The following SLC47A2 variants were observed in gnomAD, a reference collection of about 807,000 sequenced individuals.
SLC47A2 encodes the protein multidrug and toxin extrusion protein 2.
A neutral mutation model predicts 67.7 loss-of-function variants in SLC47A2; 52 were observed. That is an observed-to-expected ratio of 0.77 (90% CI 0.61 to 0.97). The LOEUF (loss-of-function observed/expected upper bound fraction) is 0.97, where lower values mean the gene tolerates loss of function less well. Among genes scored for constraint, SLC47A2 ranks in the 50% least tolerant of loss-of-function variants. The pLI, the probability that SLC47A2 is intolerant of heterozygous loss-of-function variation, is 0.00. For synonymous variants in SLC47A2, 278 were observed against 292.9 expected (o/e 0.95, Z 0.52); for missense variants, 676 against 712.3 (o/e 0.95, Z 0.58).
chr17:19,707,688 G>C, intron 8 of SLC47A2, 58 bp downstream of exon 8: 1 of 1,453,692 alleles, frequency 6.9e-7, no homozygotes, highest in Non-Finnish European at 9.4e-7. Flanking sequence ...CTGCCCCAAG[G>C]CTAGGGCAGC....
chr17:19,685,794 CAATA>C lies in SLC47A2; in HGVS notation c.1165-4128_1165-4125del, dbSNP rs1179221418. On this transcript the variant is annotated intron_variant, in intron 13 of 16. Coordinates refer to ENST00000433844, the MANE Select transcript of SLC47A2 (RefSeq NM_001099646.3). The surrounding 1 kb of genome is among the most constrained non-coding windows in gnomAD (Gnocchi z 4.5). ...TCTCTGAGAAACACCCAAAAATGAT[CAATA>C]AATACTAAATAAATAAATAAATAAA... is the stretch of plus-strand genomic sequence containing the variant. 1.3e-5 allele frequency among the ~76,000 whole-genome samples: 2 copies of C among 152,046 alleles called. No individual in the cohort carries two copies. Among genetic ancestry groups the C allele is most frequent in the Non-Finnish European group, 2.9e-5 (2 of 68,018 alleles).
chr17:19,678,591 G>A lies in SLC47A2; in HGVS notation c.*95C>T, dbSNP rs2085239086. ...GAGGAGTGGTTCAAAGTGTCCACCT[G>A]CACTAGACCCCATTGGTGTTTTTGC... On this transcript the variant is annotated 3_prime_UTR_variant, in exon 17 of 17. Transcript: ENST00000433844. 4 of 1,308,208 alleles carry A rather than the reference G, an allele frequency of 3.1e-6. No homozygotes were observed. The East Asian group carries it at 9.3e-5, about 30-fold the overall frequency. The allele number at this position is 1,308,208 out of a possible 1,614,324, so 81.0% of individuals were successfully genotyped here. A position where few individuals can be genotyped will look rare whatever the true frequency, so the allele number is the denominator to read the frequency against.
rs2085720865 is a variant in SLC47A2 at position 19,698,759 on chromosome 17, G to A, written c.1164+3846C>T. Among the ~76,000 whole-genome samples the A allele has an allele frequency of 2.0e-5, 3 of 152,172 alleles. No individual in the cohort carries two copies. In the South Asian group the frequency reaches 6.2e-4, roughly 31 times the overall value. ...TAAATGTTTTTAAGTGTACAGGTCA[G>A]CAGTGTTAAGTATATAGCCAGCCCT... On this transcript the variant is annotated intron_variant, in intron 13 of 16. Transcript: ENST00000433844.
chr17:19,681,741 C>T (rs1489969579), intron 13 of SLC47A2, 71 bp from the exon 14 acceptor site: 3 of 1,537,362 alleles, frequency 2.0e-6, no homozygotes, highest in Non-Finnish European at 2.6e-6. Flanking sequence ...GCAGCAGGCA[C>T]TGTGCTAAGC....
chr17:19,697,062 C>G (rs1209399717), intron 13 of SLC47A2, among the ~76,000 whole-genome samples: 2 of 152,172 alleles, frequency 1.3e-5, no homozygotes, highest in African/African-American at 4.8e-5. Flanking sequence ...GAGGCTGAGG[C>G]GGGCGGATGA....
At chr17:19,705,565 C>T in intron 9 of SLC47A2, 62 bp from the exon 10 acceptor site, 1 of 1,496,820 alleles carries the variant, frequency 6.7e-7, no homozygotes, top group Non-Finnish European at 9.0e-7. Flanking sequence ...CCTGCGCCGA[C>T]AGGACGCTGC....
chr17:19,704,211 G>A (rs1349784307), intron 10 of SLC47A2, 33 bp from the exon 11 acceptor site: 2 of 1,565,320 alleles, frequency 1.3e-6, no homozygotes, highest in African/African-American at 1.4e-5. Flanking sequence ...ACTGTCAGTG[G>A]GCCCACCCTC....
intron 7 of SLC47A2, 68 bp from the exon 8 acceptor site, chr17:19,707,911 A>T (rs932494228): frequency 1.4e-6 from 2 of 1,449,194 alleles, no homozygotes; most frequent in African/African-American, 2.8e-5. Context: ...CCTGAGAGAG[A>T]GGTGGCTCTG....
At chr17:19,689,021 A>G (rs1366389202) in intron 13 of SLC47A2, among the ~76,000 whole-genome samples, 1 of 152,002 alleles carries the variant, frequency 6.6e-6, no homozygotes, top group Non-Finnish European at 1.5e-5. Flanking sequence ...ATGCACCACC[A>G]TACCTGGTTA....
upstream of SLC47A2, chr17:19,716,767 G>A (rs1304480559): frequency 3.0e-6 from 2 of 668,682 alleles, no homozygotes; most frequent in African/African-American, 1.8e-5. Context: ...TCAGCCACTA[G>A]GGAGGACAGG....
chr17:19,715,506 G>A (rs778758592), intron 1 of SLC47A2, among the ~76,000 whole-genome samples: 5 of 152,168 alleles, frequency 3.3e-5, no homozygotes, highest in African/African-American at 4.8e-5. Flanking sequence ...TGCTATTGCA[G>A]TTCCTATTAT....
chr17:19,684,914 C>T (rs879038213), intron 13 of SLC47A2, among the ~76,000 whole-genome samples: 2 of 152,242 alleles, frequency 1.3e-5, no homozygotes, highest in East Asian at 3.9e-4. Context: ...GCCATGATCT[C>T]GGTTCACTGC....
At chr17:19,684,568 A>C (rs2085379838) in intron 13 of SLC47A2, among the ~76,000 whole-genome samples, 1 of 151,994 alleles carries the variant, frequency 6.6e-6, no homozygotes, top group South Asian at 2.1e-4. Flanking sequence ...AGAATGTAAA[A>C]GATTAGTGTG....
chr17:19,681,490 A>G (rs1291587730), intron 14 of SLC47A2, 29 bp from the exon 15 acceptor site: 1 of 1,614,056 alleles, frequency 6.2e-7, no homozygotes, highest in South Asian at 1.1e-5. Flanking sequence ...GATGGGAACA[A>G]TGTCCGACGA....
At position 19,714,718 on chromosome 17, in the gene SLC47A2, C is replaced by A; in HGVS notation, c.294+3G>T. On this transcript the variant is annotated splice_donor_region_variant and intron_variant, in intron 3 of 16. Coordinates refer to ENST00000433844, the MANE Select transcript of SLC47A2 (RefSeq NM_001099646.3). ...TCCTGCCCAGCTCCAGGAGGCCACC[C>A]ACCTGAGACATCAAGGTGTCACATG... The A allele has an allele frequency of 1.2e-6, 2 of 1,614,036 alleles. No individual in the cohort carries two copies. Among genetic ancestry groups the A allele is most frequent in the Non-Finnish European group, 8.5e-7 (1 of 1,180,038 alleles).
At chr17:19,703,975 G>A in intron 11 of SLC47A2, 95 bp downstream of exon 11, 1 of 947,130 alleles carries the variant, frequency 1.1e-6, no homozygotes, top group Non-Finnish European at 1.5e-6. Context: ...CAGCTCCCGA[G>A]GCCAGCCCTG....
At chr17:19,713,412 T>TC (rs1185209910) in intron 4 of SLC47A2, among the ~76,000 whole-genome samples, 2,469 of 149,548 alleles carry the variant, frequency 0.017, 49 homozygotes, top group African/African-American at 0.049. Flanking sequence ...ATAATAATAA[T>TC]AATCATCATC....
Position 19,697,380 on chromosome 17 carries a change from G to T in SLC47A2, c.1164+5225C>A, listed in dbSNP as rs188032031. On this transcript the variant is annotated intron_variant, in intron 13 of 16. Transcript: ENST00000433844. ...CACTTTGGGAGACTGAGGCAGGAGG[G>T]TTGCTTGAGGCCAGGAGTTCAAGAC... 3.2e-3 allele frequency among the ~76,000 whole-genome samples: 493 copies of T among 152,110 alleles called. 9 individuals are homozygous for T. Among genetic ancestry groups the T allele is most frequent in the African/African-American group, 0.011 (457 of 41,494 alleles).
chr17:19,707,923 C>T (rs1323637012), intron 7 of SLC47A2, 80 bp from the exon 8 acceptor site: 27 of 1,349,646 alleles, frequency 2.0e-5, no homozygotes, highest in East Asian at 1.0e-4. Context: ...GTGGCTCTGG[C>T]GGCCAGCCCG....
Sources: gnomAD v4.1 joint callset for allele counts (sites outside exome capture counted in the v4.1 genomes callset) on GRCh38, gnomAD v4.1.1 for gene constraint, Gnocchi (gnomAD v3.1) non-coding constraint, MANE v1.5 for transcripts, NCBI Gene and HGNC (gene_info 2026-07-23, HGNC 2026-07-21) for gene names.